The following SGCZ variants were observed in gnomAD, a reference collection of about 807,000 sequenced individuals.
The protein encoded by SGCZ is sarcoglycan zeta.
In SGCZ, 40 loss-of-function variants were observed where a neutral mutation model predicts 41.3. The observed-to-expected ratio is 0.97, with a 90% CI of 0.75 to 1.26. The LOEUF (loss-of-function observed/expected upper bound fraction) is 1.26. Ranked by LOEUF, SGCZ falls within the 50% of genes most tolerant of loss-of-function variation. The pLI is 0.00. For missense variants in SGCZ, 552 were observed against 369.8 expected (o/e 1.49, Z -4.04); for synonymous variants, 206 against 137.5 (o/e 1.50, Z -3.49).
intron 1 of SGCZ, among the ~76,000 whole-genome samples, chr8:14,681,988 G>A (rs1048514801): frequency 6.6e-6 from 1 of 151,926 alleles, no homozygotes; most frequent in African/African-American, 2.4e-5. Flanking sequence ...AATATTCATA[G>A]TAACAGAGAA....
intron 1 of SGCZ, among the ~76,000 whole-genome samples, chr8:14,760,761 G>A (rs10104011): frequency 0.011 from 1,699 of 152,258 alleles, 35 homozygotes; most frequent in African/African-American, 0.039. Context: ...TTTCTTCACA[G>A]AAATTATCTC....
chr8:15,048,346 A>G (rs1174949585), intron 1 of SGCZ, among the ~76,000 whole-genome samples: 2 of 152,072 alleles, frequency 1.3e-5, no homozygotes, highest in African/African-American at 2.4e-5. Flanking sequence ...GAAGAAGAAG[A>G]TGAAGAGAGG....
At chr8:14,687,792 C>A (rs923435154) in intron 1 of SGCZ, among the ~76,000 whole-genome samples, 7 of 151,960 alleles carry the variant, frequency 4.6e-5, no homozygotes, top group African/African-American at 1.7e-4. Flanking sequence ...AATGGATGAA[C>A]TAGTTTACAG....
chr8:14,240,118 G>A (rs1459459960), intron 3 of SGCZ, among the ~76,000 whole-genome samples: 1 of 151,692 alleles, frequency 6.6e-6, no homozygotes, highest in African/African-American at 2.4e-5. Flanking sequence ...CCTGAGGCCA[G>A]GAGTTTGAAA....
chr8:14,768,955 A>G (rs1292500021), intron 1 of SGCZ, among the ~76,000 whole-genome samples: 1 of 152,098 alleles, frequency 6.6e-6, no homozygotes, highest in Non-Finnish European at 1.5e-5. Context: ...TTAAATCCTG[A>G]TCATTATTGT....
At chr8:14,808,362 G>A (rs927362386) in intron 1 of SGCZ, among the ~76,000 whole-genome samples, 65 of 151,832 alleles carry the variant, frequency 4.3e-4, no homozygotes, top group South Asian at 1.0e-3. Context: ...CAGAATCTAC[G>A]ATGAACTCAA....
At chr8:14,501,563 C>A (rs1802155702) in intron 2 of SGCZ, among the ~76,000 whole-genome samples, 1 of 150,058 alleles carries the variant, frequency 6.7e-6, no homozygotes, top group Admixed American at 6.7e-5. Context: ...AACTTGACTG[C>A]TTTTCATAAT....
chr8:15,094,436 C>G (rs1312299342), intron 1 of SGCZ, among the ~76,000 whole-genome samples: 1 of 152,114 alleles, frequency 6.6e-6, no homozygotes, highest in African/African-American at 2.4e-5. Flanking sequence ...TGCCCAGCAA[C>G]AGGCCAGTTG....
At chr8:14,752,769 T>C (rs138983474) in intron 1 of SGCZ, among the ~76,000 whole-genome samples, 226 of 152,290 alleles carry the variant, frequency 1.5e-3, no homozygotes, top group African/African-American at 5.3e-3. Context: ...ACAAACATGA[T>C]AGATTAGCTG....
At chr8:15,189,980 T>C (rs923241562) in intron 1 of SGCZ, among the ~76,000 whole-genome samples, 10 of 152,174 alleles carry the variant, frequency 6.6e-5, no homozygotes, top group South Asian at 2.1e-4. Flanking sequence ...TTCAGACCCA[T>C]AATAACCTAG....
intron 1 of SGCZ, among the ~76,000 whole-genome samples, chr8:14,862,504 G>T (rs373616552): frequency 6.1e-5 from 8 of 130,560 alleles, no homozygotes; most frequent in African/African-American, 2.0e-4. Context: ...TTTCCAAGTC[G>T]CCTTTTATGA....
rs555716616 is a variant in SGCZ, at chr8:15,196,826, G to A, written c.39+40759C>T. Among the ~76,000 whole-genome samples the A allele has an allele frequency of 9.9e-4, 150 of 152,236 alleles. 1 individual carries two copies. The highest frequency in any genetic ancestry group is 3.6e-3 in the African/African-American group (149 of 41,546). On this transcript the variant is annotated intron_variant, in intron 1 of 7. Coordinates refer to ENST00000382080, the MANE Select transcript of SGCZ (RefSeq NM_139167.4). Reference sequence around the variant, plus strand: ...GGTTTCCTCTTCTGGTGGTGGCTGGGCTCACTCATGTAGCCGCATTCAGCT... The same window carrying A: ...GGTTTCCTCTTCTGGTGGTGGCTGGACTCACTCATGTAGCCGCATTCAGCT...
intron 1 of SGCZ, among the ~76,000 whole-genome samples, chr8:14,904,860 A>G (rs2130766419): frequency 6.6e-6 from 1 of 151,824 alleles, no homozygotes; most frequent in South Asian, 2.1e-4. Context: ...ATGATGTTTT[A>G]TTATTATTTC....
At chr8:15,151,622 G>A (rs1799182171) in intron 1 of SGCZ, among the ~76,000 whole-genome samples, 1 of 152,100 alleles carries the variant, frequency 6.6e-6, no homozygotes, top group African/African-American at 2.4e-5. Flanking sequence ...TTAAAGTAGA[G>A]AAATACTTCA....
At chr8:15,011,079 G>T (rs575083793) in intron 1 of SGCZ, among the ~76,000 whole-genome samples, 4 of 152,110 alleles carry the variant, frequency 2.6e-5, no homozygotes, top group African/African-American at 9.7e-5. Context: ...AATGGACAAA[G>T]CCAATCTTAT....
chr8:14,987,343 C>T (rs1425363710), intron 1 of SGCZ, among the ~76,000 whole-genome samples: 1 of 151,822 alleles, frequency 6.6e-6, no homozygotes, highest in Non-Finnish European at 1.5e-5. Context: ...GAATTCATTT[C>T]AAATATCAAA....
At chr8:14,778,523 T>TA (rs58252790) in intron 1 of SGCZ, among the ~76,000 whole-genome samples, 18,464 of 150,470 alleles carry the variant, frequency 0.12, 1,731 homozygotes, top group African/African-American at 0.25. Context: ...AAAGACACCT[T>TA]AAAAAAAAAC....
At chr8:14,968,117 G>T (rs1011481325) in intron 1 of SGCZ, among the ~76,000 whole-genome samples, 15 of 152,084 alleles carry the variant, frequency 9.9e-5, no homozygotes, top group Non-Finnish European at 1.5e-4. Flanking sequence ...CATCAGATTG[G>T]TTAAAATGAT....
chr8:14,724,436 T>C (rs1809988174), intron 1 of SGCZ, among the ~76,000 whole-genome samples: 1 of 151,916 alleles, frequency 6.6e-6, no homozygotes, highest in Non-Finnish European at 1.5e-5. Flanking sequence ...TGCAAAATCT[T>C]AATTAAACTA....
Sources: allele counts gnomAD v4.1 joint callset (sites outside exome capture counted in the v4.1 genomes callset), GRCh38; gene constraint gnomAD v4.1.1; transcripts MANE v1.5; gene names NCBI Gene and HGNC (gene_info 2026-07-23, HGNC 2026-07-21).